GAB2: variants seen among roughly 807,000 people sequenced by gnomAD.
The protein encoded by GAB2 is GRB2 associated binding protein 2, also known as GRB2-associated-binding protein 2.
In GAB2, 26 loss-of-function variants were observed where a neutral mutation model predicts 65.5. The ratio of observed to expected loss-of-function variants is 0.40; its 90% CI spans 0.29 to 0.55. The LOEUF (loss-of-function observed/expected upper bound fraction) is 0.55, where lower values mean the gene tolerates loss of function less well. Ranked by LOEUF, GAB2 falls within the 20% of genes least tolerant of loss-of-function variation. GAB2 has a pLI of 0.53. For synonymous variants in GAB2, 321 were observed against 329.6 expected (o/e 0.97, Z 0.28); for missense variants, 884 against 875.8 (o/e 1.01, Z -0.12).
rs935040845 is a variant in GAB2, at chr11:78,225,055, A to G, written c.1302+53T>C. The stretch of plus-strand genomic sequence containing the variant: ...TGTGCTTTTAATTCCATAAGGTGTG[A>G]CCTTTTACCTAACCAGGCCGGCCTG... On this transcript the variant is annotated intron_variant, in intron 5 of 9. Transcript: ENST00000361507. 118 of 1,090,436 alleles carry G rather than the reference A, an allele frequency of 1.1e-4. 1 individual carries two copies. The highest frequency in any genetic ancestry group is 7.4e-5 in the Admixed American group (4 of 54,410). 67.5% of individuals were successfully genotyped at this position (1,090,436 alleles called of 1,614,324 possible). A position where few individuals can be genotyped will look rare whatever the true frequency, so the allele number is the denominator to read the frequency against.
chr11:78,391,199 T>A (rs1239285895), intron 1 of GAB2, among the ~76,000 whole-genome samples: 1 of 151,992 alleles, frequency 6.6e-6, no homozygotes, highest in African/African-American at 2.4e-5. Context: ...GGAGGCTGAG[T>A]TGGGAGAATC....
At chr11:78,238,561 A>C (rs1390465720) in intron 3 of GAB2, among the ~76,000 whole-genome samples, 1 of 151,962 alleles carries the variant, frequency 6.6e-6, no homozygotes, top group Admixed American at 6.6e-5. Context: ...CAACACATAG[A>C]ACTGGAAAAC....
At chr11:78,231,255 C>G (rs558951457) in intron 3 of GAB2, among the ~76,000 whole-genome samples, 1 of 152,256 alleles carries the variant, frequency 6.6e-6, no homozygotes, top group Admixed American at 6.5e-5. Context: ...CCTTTCCATT[C>G]CTGGCCAATG....
rs147573708 is a variant in GAB2, at chr11:78,225,532, T to G, written c.1208-330A>C. Among the ~76,000 whole-genome samples, 141 of 152,358 alleles carry G rather than the reference T, an allele frequency of 9.3e-4. 1 individual carries two copies. Among genetic ancestry groups the G allele is most frequent in the African/African-American group, 3.3e-3 (137 of 41,580 alleles). ...TCTCTGAACACCACAGTAACAATAC[T>G]TGTCCTGATTTATATGTGTTGGTTT... is the stretch of plus-strand genomic sequence containing the variant. On this transcript the variant is annotated intron_variant, in intron 4 of 9. Coordinates refer to ENST00000361507, the MANE Select transcript of GAB2 (RefSeq NM_080491.3).
chr11:78,337,385 G>A (rs1856020390), intron 1 of GAB2, among the ~76,000 whole-genome samples: 1 of 152,190 alleles, frequency 6.6e-6, no homozygotes, highest in Non-Finnish European at 1.5e-5. Context: ...GCAGGGAGGG[G>A]TCAGAAGTTT....
chr11:78,248,715 A>C (rs944057385), intron 3 of GAB2, among the ~76,000 whole-genome samples: 20 of 152,240 alleles, frequency 1.3e-4, no homozygotes, highest in African/African-American at 4.6e-4. Context: ...CCCATTCTGA[A>C]GATAAGAATA....
chr11:78,414,757 A>C (rs1857172773), intron 1 of GAB2, among the ~76,000 whole-genome samples: 1 of 152,204 alleles, frequency 6.6e-6, no homozygotes, highest in South Asian at 2.1e-4. Flanking sequence ...ATACTTAATT[A>C]ACTAGAAAAG....
rs1421330347 is a variant in GAB2 at position 78,220,360 on chromosome 11, C to T, written c.1846G>A (p.Ala616Thr). ...KKSTGSVDYL[A>T]LDFQPSSPSP... ...GGGGAGCTCGGCTGGAAGTCCAGGGCCAGATAATCAACGCTGCCGGTGCTC... is the reference window on the plus strand; with the variant it reads ...GGGGAGCTCGGCTGGAAGTCCAGGGTCAGATAATCAACGCTGCCGGTGCTC... Residue 616 changes from alanine to threonine, a missense_variant, in exon 9 of 10, where the codon GCC becomes ACC. Physicochemically the swap from Ala to Thr is moderately conservative, Grantham distance 58. Coordinates refer to ENST00000361507, the MANE Select transcript of GAB2 (RefSeq NM_080491.3). The T allele has an allele frequency of 6.2e-7, 1 of 1,612,848 alleles. No homozygotes were observed.
Position 78,408,981 on chromosome 11 carries a change from C to T in GAB2, c.75+8665G>A, listed in dbSNP as rs531109101. ...TCTCAGGTAGTTCTTTACAGCAGTG[C>T]GAGAACGGATTAATACACCCCAACA... On this transcript the variant is annotated intron_variant, in intron 1 of 9. Coordinates refer to ENST00000361507, the MANE Select transcript of GAB2 (RefSeq NM_080491.3). 5.3e-5 allele frequency among the ~76,000 whole-genome samples: 8 copies of T among 152,082 alleles called. No homozygotes were observed. The East Asian group carries it at 5.8e-4, about 11-fold the overall frequency.
intron 1 of GAB2, among the ~76,000 whole-genome samples, chr11:78,346,671 CTCCATATATATATA>C: frequency 1.3e-5 from 1 of 77,448 alleles, no homozygotes; most frequent in Non-Finnish European, 2.6e-5. Context: ...TTTACATCCC[CTCCATATATATATA>C]TATATATATA....
chr11:78,368,312 G>A (rs1317733835), intron 1 of GAB2, among the ~76,000 whole-genome samples: 1 of 152,176 alleles, frequency 6.6e-6, no homozygotes, highest in African/African-American at 2.4e-5. Flanking sequence ...TACTGTTCAT[G>A]AATATGATTA....
At chr11:78,278,321 C>T (rs1279129957) in intron 2 of GAB2, among the ~76,000 whole-genome samples, 1 of 151,932 alleles carries the variant, frequency 6.6e-6, no homozygotes, top group African/African-American at 2.4e-5. Flanking sequence ...CCACCTGCCT[C>T]GACCTCCCAA....
chr11:78,250,795 T>C (rs1035823785), intron 2 of GAB2, among the ~76,000 whole-genome samples: 9 of 152,158 alleles, frequency 5.9e-5, no homozygotes, highest in African/African-American at 2.2e-4. Flanking sequence ...ATCATGTCTT[T>C]TGCAGCAACA....
intron 3 of GAB2, among the ~76,000 whole-genome samples, chr11:78,227,631 C>CAAAAAAAAAAAAAAAAAAA (rs55716895): frequency 2.5e-4 from 27 of 106,082 alleles, no homozygotes; most frequent in East Asian, 9.3e-4. Context: ...CCATTGCCAC[C>CAAAAAAAAAAAAAAAAAAA]AAAAAAAAAA....
intron 1 of GAB2, among the ~76,000 whole-genome samples, chr11:78,340,110 C>T (rs1221594627): frequency 1.3e-5 from 2 of 152,132 alleles, no homozygotes; most frequent in African/African-American, 4.8e-5. Flanking sequence ...CAAAGCTTAC[C>T]AGACTGATGT....
chr11:78,280,941 G>T, intron 1 of GAB2, 40 bp from the exon 2 acceptor site: 1 of 1,529,770 alleles, frequency 6.5e-7, no homozygotes, highest in Non-Finnish European at 9.0e-7. Flanking sequence ...GGGGGAAGAA[G>T]TCATTAGTTA....
chr11:78,300,685 G>GTTTTTTTTTGTTT (rs1866983066), intron 1 of GAB2, among the ~76,000 whole-genome samples: 3 of 120,686 alleles, frequency 2.5e-5, no homozygotes, highest in African/African-American at 1.1e-4. Context: ...TTTTTTTTTG[G>GTTTTTTTTTGTTT]TTTTTTTTTG....
At chr11:78,307,360 T>C (rs987788378) in intron 1 of GAB2, among the ~76,000 whole-genome samples, 4 of 152,180 alleles carry the variant, frequency 2.6e-5, no homozygotes, top group Admixed American at 2.6e-4. Context: ...TTATTTTTGT[T>C]CAATAATAAA....
intron 2 of GAB2, among the ~76,000 whole-genome samples, chr11:78,254,609 G>A (rs1326772623): frequency 6.6e-6 from 1 of 152,066 alleles, no homozygotes; most frequent in Admixed American, 6.5e-5. Flanking sequence ...AGACCAGCCT[G>A]GGAAACCTAG....
Sources: gnomAD v4.1 joint callset for allele counts (sites outside exome capture counted in the v4.1 genomes callset) on GRCh38, gnomAD v4.1.1 for gene constraint, MANE v1.5 for transcripts, NCBI Gene and HGNC (gene_info 2026-07-23, HGNC 2026-07-21) for gene names.